Variants in CDC40 observed in about 807,000 individuals in gnomAD.
The protein encoded by CDC40 is cell division cycle 40.
CDC40 carries 27 observed loss-of-function variants against 80.6 expected under a neutral mutation model. The observed-to-expected ratio is 0.33, with a 90% CI of 0.25 to 0.46. CDC40 has a LOEUF of 0.46. CDC40 is among the 20% of genes least tolerant of loss of function. The pLI is 1.00. For synonymous variants in CDC40, 221 were observed against 232.6 expected, an observed-to-expected ratio of 0.95 and a Z score of 0.45; for missense variants, 486 against 694.1, an observed-to-expected ratio of 0.70 and a Z score of 3.37.
chr6:110,210,512 A>G (rs1777623826), intron 5 of CDC40, among the ~76,000 whole-genome samples, 195 bp from the exon 6 acceptor site: 1 of 146,784 alleles, frequency 6.8e-6, no homozygotes, highest in Admixed American at 7.0e-5. Flanking sequence ...GATTCGCGCC[A>G]CTGCACTCCA....
chr6:110,216,336 TTTAGA>T (rs1777699597), intron 9 of CDC40, among the ~76,000 whole-genome samples: 1 of 152,190 alleles, frequency 6.6e-6, no homozygotes, highest in African/African-American at 2.4e-5. Context: ...TGGCTCTGTT[TTTAGA>T]TTAAAGTGGG....
intron 10 of CDC40, 111 bp from the exon 11 acceptor site, chr6:110,219,253 G>A: frequency 3.9e-6 from 2 of 513,162 alleles, no homozygotes; most frequent in Non-Finnish European, 7.0e-6. Flanking sequence ...GAGCAAGCAG[G>A]CAGCCCTTCC....
intron 1 of CDC40, 77 bp from the exon 2 acceptor site, chr6:110,193,105 A>G: frequency 1.2e-6 from 1 of 807,128 alleles, no homozygotes. Context: ...AAAGATGGCT[A>G]GTGTGACTTT....
rs1478787157 is a variant in CDC40, at chr6:110,213,068, T to A, written c.868-18T>A. On this transcript the variant is annotated intron_variant, in intron 7 of 14. Coordinates refer to ENST00000307731, the MANE Select transcript of CDC40 (RefSeq NM_015891.3). The stretch of plus-strand genomic sequence containing the variant: ...CTTTTGAATGCTTCTGGTTGATAAC[T>A]GTAATACCTTTTTATAGGGCGTCAG... The A allele has an allele frequency of 1.3e-6, 2 of 1,531,794 alleles. No homozygotes were observed. Among genetic ancestry groups the A allele is most frequent in the Non-Finnish European group, 1.8e-6 (2 of 1,104,884 alleles). The allele number at this position is 1,531,794 out of a possible 1,614,324, so 94.9% of individuals were successfully genotyped here. A position where few individuals can be genotyped will look rare whatever the true frequency, so the allele number is the denominator to read the frequency against.
At chr6:110,217,662 T>A (rs1777717762) in intron 9 of CDC40, 40 bp from the exon 10 acceptor site, 1 of 868,142 alleles carries the variant, frequency 1.2e-6, no homozygotes. Flanking sequence ...AGATATATGA[T>A]ACTTCACCTC....
chr6:110,210,549 T>TCA (rs1777624735), intron 5 of CDC40, among the ~76,000 whole-genome samples, 158 bp from the exon 6 acceptor site: 2 of 109,010 alleles, frequency 1.8e-5, no homozygotes, highest in African/African-American at 8.5e-5. Context: ...GAGACTCATC[T>TCA]CAGAAAAAAA....
intron 3 of CDC40, among the ~76,000 whole-genome samples, chr6:110,203,835 C>T (rs988326065): frequency 2.0e-5 from 3 of 152,122 alleles, no homozygotes; most frequent in Non-Finnish European, 4.4e-5. Flanking sequence ...TGCCTGCTCC[C>T]CTGCCAGTCT....
chr6:110,219,715 T>C (rs779806783), intron 11 of CDC40, 21 bp from the exon 12 acceptor site: 79 of 1,611,796 alleles, frequency 4.9e-5, no homozygotes, highest in Non-Finnish European at 6.4e-5. Flanking sequence ...GTCTTTACCT[T>C]TTTTCTTGCC....
chr6:110,198,301 C>G (rs946139529), intron 2 of CDC40, among the ~76,000 whole-genome samples: 1 of 151,862 alleles, frequency 6.6e-6, no homozygotes, highest in African/African-American at 2.4e-5. Context: ...CCTCAGACTC[C>G]TGAGTAGGTG....
intron 7 of CDC40, 90 bp from the exon 8 acceptor site, chr6:110,212,996 G>C: frequency 1.1e-6 from 1 of 890,840 alleles, no homozygotes; most frequent in Non-Finnish European, 1.9e-6. Context: ...AGCAAATTAG[G>C]CTGCTTAATA....
At chr6:110,188,010 A>G (rs998269917) in intron 1 of CDC40, among the ~76,000 whole-genome samples, 1 of 152,092 alleles carries the variant, frequency 6.6e-6, no homozygotes. Flanking sequence ...TTTTCTTGAG[A>G]GTTGTTCAAT....
chr6:110,218,540 CTT>C (rs1406376374), intron 10 of CDC40, among the ~76,000 whole-genome samples: 1 of 152,168 alleles, frequency 6.6e-6, no homozygotes, highest in African/African-American at 2.4e-5. Context: ...AAGTAGCAGA[CTT>C]GGGTTCAAAC....
chr6:110,210,796 CT>C lies in CDC40; in HGVS notation c.722del (p.Leu241TyrfsTer85). Reference protein sequence around the residue: ...EEKPGEEKTILHVKEMYDYQG... With the variant: ...EEKPGEEKTIXHVKEMYDYQG... The stretch of plus-strand genomic sequence containing the variant: ...AGAAACCTGGGGAGGAGAAGACAAT[CT>C]TACATGGTAACATATTTTTTGTACA... On this transcript the variant is annotated frameshift_variant, in exon 6 of 15. Coordinates refer to ENST00000307731, the MANE Select transcript of CDC40 (RefSeq NM_015891.3). LOFTEE classifies it high-confidence loss of function. 6.5e-7 allele frequency: 1 copy of C among 1,532,902 alleles called. No individual in the cohort carries two copies. 95.0% of individuals were successfully genotyped at this position (1,532,902 alleles called of 1,614,324 possible). A position where few individuals can be genotyped will look rare whatever the true frequency, so the allele number is the denominator to read the frequency against.
Position 110,201,686 on chromosome 6 carries a change from T to C in CDC40, c.405T>C (p.Tyr135=), listed in dbSNP as rs1445918610. 1.9e-6 allele frequency: 3 copies of C among 1,613,382 alleles called. No individual in the cohort carries two copies. The highest frequency in any genetic ancestry group is 1.7e-5 in the Admixed American group (1 of 59,984). The part of the protein sequence containing the change: ...FEQQRRTFAT[Y]GYALDPSLDN... ...AGCAAAGGAGAACTTTTGCAACATA[T>C]GGTAAGGTGATAAGACTTAAGCAGT... Residue 135 remains tyrosine (Y), a splice_region_variant and synonymous_variant, in exon 3 of 15, where the codon TAT becomes TAC. Coordinates refer to ENST00000307731, the MANE Select transcript of CDC40 (RefSeq NM_015891.3).
intron 1 of CDC40, among the ~76,000 whole-genome samples, chr6:110,191,036 G>T (rs1777340275): frequency 6.6e-6 from 1 of 152,154 alleles, no homozygotes. Flanking sequence ...TAAAGATATG[G>T]GCAGTTTAGA....
chr6:110,210,808 C>T lies in CDC40; in HGVS notation c.727+5C>T. On this transcript the variant is annotated splice_donor_5th_base_variant and intron_variant, in intron 6 of 14. Coordinates refer to ENST00000307731, the MANE Select transcript of CDC40 (RefSeq NM_015891.3). Reference sequence around the variant, plus strand: ...AGGAGAAGACAATCTTACATGGTAACATATTTTTTGTACATCTTCATTTTT... The same window carrying T: ...AGGAGAAGACAATCTTACATGGTAATATATTTTTTGTACATCTTCATTTTT... 2.0e-6 allele frequency: 3 copies of T among 1,477,020 alleles called. No homozygotes were observed. In the South Asian group the frequency reaches 4.0e-5, roughly 20 times the overall value. 91.5% of individuals were successfully genotyped at this position (1,477,020 alleles called of 1,614,324 possible). A position where few individuals can be genotyped will look rare whatever the true frequency, so the allele number is the denominator to read the frequency against.
At chr6:110,203,855 C>T (rs563893939) in intron 3 of CDC40, among the ~76,000 whole-genome samples, 2 of 152,278 alleles carry the variant, frequency 1.3e-5, no homozygotes, top group South Asian at 2.1e-4. Flanking sequence ...TTACTTGGGG[C>T]TTCTCAATGA....
At chr6:110,204,069 G>A (rs941894576) in intron 3 of CDC40, among the ~76,000 whole-genome samples, 1 of 152,052 alleles carries the variant, frequency 6.6e-6, no homozygotes, top group African/African-American at 2.4e-5. Flanking sequence ...CTGGAGTGCA[G>A]TGGCGCGATC....
Position 110,193,186 on chromosome 6 carries a change from A to G in CDC40, c.194A>G (p.Asp65Gly). Reference protein sequence around the residue: ...DSAPEVAVKEDLETGVHLDPA... With the variant: ...DSAPEVAVKEGLETGVHLDPA... Reference sequence around the variant, plus strand: ...TTTATTTGGTATTCTTTTTAGGAAGATTTGGAGACTGGAGTTCACCTTGAC... The same window carrying G: ...TTTATTTGGTATTCTTTTTAGGAAGGTTTGGAGACTGGAGTTCACCTTGAC... Residue 65 changes from aspartate (D) to glycine (G), a missense_variant, in exon 2 of 15, where the codon GAT becomes GGT. Physicochemically the swap from Asp to Gly is moderately conservative, Grantham distance 94. This residue lies in a region of CDC40 where 381 missense variants were observed against 492.1 expected (regional missense o/e 0.77). Coordinates refer to ENST00000307731, the MANE Select transcript of CDC40 (RefSeq NM_015891.3). The G allele has an allele frequency of 3.2e-6, 5 of 1,586,212 alleles. No homozygotes were observed. Among genetic ancestry groups the G allele is most frequent in the Non-Finnish European group, 4.3e-6 (5 of 1,154,822 alleles).
Sources: gnomAD v4.1 joint callset for allele counts (sites outside exome capture counted in the v4.1 genomes callset) on GRCh38, gnomAD v4.1.1 for gene constraint, gnomAD v4.1.1 regional missense constraint, MANE v1.5 for transcripts, NCBI Gene and HGNC (gene_info 2026-07-23, HGNC 2026-07-21) for gene names.